ETS2: variants seen among roughly 807,000 people sequenced by gnomAD.
ETS2 encodes the protein ETS proto-oncogene 2, transcription factor.
ETS2 carries 19 observed loss-of-function variants against 54.9 expected under a neutral mutation model. The ratio of observed to expected loss-of-function variants is 0.35; its 90% confidence interval spans 0.24 to 0.51. The LOEUF is 0.51. Among genes scored for constraint, ETS2 ranks in the 20% least tolerant of loss-of-function variants. The pLI, the probability that ETS2 is intolerant of heterozygous loss-of-function variation, is 0.97. For missense variants in ETS2, 417 were observed against 593.0 expected (o/e 0.70, Z 3.08); for synonymous variants, 219 against 229.3 (o/e 0.95, Z 0.41).
chr21:38,819,595 T>C lies in ETS2; in HGVS notation c.904T>C (p.Leu302=), dbSNP rs749021026. The part of the protein sequence containing the change: ...LLQSWNSQSS[L]LDVQRVPSFE... ...CCAGTCCTGGAACAGCCAGTCGTCCTTGCTGGATGTGCAACGGGTTCCTTC... is the reference window on the plus strand; with the variant it reads ...CCAGTCCTGGAACAGCCAGTCGTCCCTGCTGGATGTGCAACGGGTTCCTTC... The change falls in exon 8 of 10, where the codon TTG becomes CTG. Residue 302 remains leucine, a synonymous_variant. Coordinates refer to ENST00000360938, the MANE Select transcript of ETS2 (RefSeq NM_005239.6). The C allele has an allele frequency of 3.1e-6, 5 of 1,614,100 alleles. No individual in the cohort carries two copies. The Admixed American group carries it at 8.3e-5, about 27-fold the overall frequency.
upstream of ETS2, chr21:38,805,535 G>A (rs1186611287): frequency 2.3e-6 from 3 of 1,286,766 alleles, no homozygotes; most frequent in South Asian, 2.5e-5. The surrounding 1 kb of genome is among the most constrained non-coding windows in gnomAD (Gnocchi z 5.2). Flanking sequence ...TCGCGCGCAC[G>A]TGGGGCCGAG....
chr21:38,820,333 G>A (rs986281710), intron 8 of ETS2, among the ~76,000 whole-genome samples: 1 of 151,904 alleles, frequency 6.6e-6, no homozygotes, highest in Non-Finnish European at 1.5e-5. Flanking sequence ...TTTTGTTTTT[G>A]TTTTTTTAAC....
upstream of ETS2, chr21:38,805,209 G>C (rs1056602544): frequency 5.9e-6 from 4 of 673,266 alleles, no homozygotes; most frequent in Non-Finnish European, 8.3e-6. The surrounding 1 kb of genome is among the most constrained non-coding windows in gnomAD (Gnocchi z 5.2). Flanking sequence ...CTGCGGGATC[G>C]GGGCTTCCCG....
upstream of ETS2, chr21:38,805,650 T>TCCCTCGCC: frequency 8.3e-7 from 1 of 1,201,316 alleles, no homozygotes; most frequent in Non-Finnish European, 1.1e-6. This position sits in a 1 kb window ranked among gnomAD's most constrained non-coding sequence, Gnocchi z 5.2. Context: ...CGCCCCGCGC[T>TCCCTCGCC]CCCTCGCCGC....
intron 2 of ETS2, among the ~76,000 whole-genome samples, chr21:38,811,807 C>T (rs1209608565): frequency 6.6e-6 from 1 of 152,100 alleles, no homozygotes; most frequent in Non-Finnish European, 1.5e-5. Flanking sequence ...AATCTTTCCC[C>T]TTAGTAGGTG....
upstream of ETS2, chr21:38,805,390 T>C: frequency 1.6e-6 from 2 of 1,288,818 alleles, no homozygotes; most frequent in South Asian, 2.5e-5. The surrounding 1 kb of genome is among the most constrained non-coding windows in gnomAD (Gnocchi z 5.2). Flanking sequence ...CAAGCCCGGC[T>C]GCCCTTCGGT....
Position 38,821,055 on chromosome 21 carries a change from G to A in ETS2, c.1076-531G>A, listed in dbSNP as rs566365656. Among the ~76,000 whole-genome samples the A allele has an allele frequency of 5.9e-5, 9 of 152,284 alleles. No homozygotes were observed. Among genetic ancestry groups the A allele is most frequent in the South Asian group, 2.1e-4 (1 of 4,830 alleles). On this transcript the variant is annotated intron_variant, in intron 8 of 9. Coordinates refer to ENST00000360938, the MANE Select transcript of ETS2 (RefSeq NM_005239.6). The surrounding 1 kb of genome is among the most constrained non-coding windows in gnomAD (Gnocchi z 4.2). ...TGTGAGGCAACGGGTGTGACCCCGC[G>A]TGGCTATTGAGTAAACCGGGCTCAC...
chr21:38,809,303 G>T (rs1314367466), intron 1 of ETS2, among the ~76,000 whole-genome samples: 1 of 152,166 alleles, frequency 6.6e-6, no homozygotes, highest in Non-Finnish European at 1.5e-5. Flanking sequence ...CTTAGCCCAG[G>T]CCTAGTAGAA....
At chr21:38,818,350 T>C in intron 6 of ETS2, 75 bp from the exon 7 acceptor site, 1 of 1,604,080 alleles carries the variant, frequency 6.2e-7, no homozygotes, top group Middle Eastern at 2.2e-4. Context: ...TGCTCACCTG[T>C]CATTTGCTCG....
In ETS2 at chr21:38,821,008, G is replaced by A. The variant is rs964913683; in HGVS notation, c.1076-578G>A. Among the ~76,000 whole-genome samples the A allele has an allele frequency of 1.3e-5, 2 of 152,200 alleles. No homozygotes were observed. The highest frequency in any genetic ancestry group is 4.8e-5 in the African/African-American group (2 of 41,448). On this transcript the variant is annotated intron_variant, in intron 8 of 9. Coordinates refer to ENST00000360938, the MANE Select transcript of ETS2 (RefSeq NM_005239.6). The surrounding 1 kb of genome is among the most constrained non-coding windows in gnomAD (Gnocchi z 4.2). ...AGGTGGACGAGAAGCTCTTGGCAAA[G>A]CATGCTTCACCAGACAGAGGCTGTG...
rs1024139521 is a variant in ETS2 at position 38,824,641 on chromosome 21, G to C, written c.*1752G>C. 1 of 152,560 alleles carries C rather than the reference G, an allele frequency of 6.6e-6. No homozygotes were observed. Among genetic ancestry groups the C allele is most frequent in the Non-Finnish European group, 1.5e-5 (1 of 68,032 alleles). The allele number at this position is 152,560 out of a possible 1,614,324, so 9.5% of individuals were successfully genotyped here. A position where few individuals can be genotyped will look rare whatever the true frequency, so the allele number is the denominator to read the frequency against. Reference sequence around the variant, plus strand: ...CCATTCCCAGTATACATAAGCACAGGATGTTTTTCTCAAGAGGGATGTATT... The same window carrying C: ...CCATTCCCAGTATACATAAGCACAGCATGTTTTTCTCAAGAGGGATGTATT... On this transcript the variant is annotated 3_prime_UTR_variant, in exon 10 of 10. Coordinates refer to ENST00000360938, the MANE Select transcript of ETS2 (RefSeq NM_005239.6).
chr21:38,814,270 C>T lies in ETS2; in HGVS notation c.185-3C>T, dbSNP rs1203997755. Reference sequence around the variant, plus strand: ...AATGTCCCCATGGGGGGTTTCCTTCCAGACTCCGCCAACTGTGAATTGCCT... The same window carrying T: ...AATGTCCCCATGGGGGGTTTCCTTCTAGACTCCGCCAACTGTGAATTGCCT... On this transcript the variant is annotated splice_region_variant and splice_polypyrimidine_tract_variant and intron_variant, in intron 3 of 9. Transcript: ENST00000360938. This position sits in a 1 kb window ranked among gnomAD's most constrained non-coding sequence, Gnocchi z 4.2. The T allele has an allele frequency of 1.2e-6, 2 of 1,613,842 alleles. No homozygotes were observed. The highest frequency in any genetic ancestry group is 2.2e-5 in the East Asian group (1 of 44,890).
intron 5 of ETS2, among the ~76,000 whole-genome samples, 192 bp downstream of exon 5, chr21:38,815,173 T>TGA (rs2060928190): frequency 9.2e-6 from 1 of 109,022 alleles, no homozygotes. Flanking sequence ...CCACTTTATG[T>TGA]GAGTGTGTGT....
chr21:38,824,559 C>G lies in ETS2; in HGVS notation c.*1670C>G, dbSNP rs1479333364. 6.6e-6 allele frequency: 1 copy of G among 152,238 alleles called. No individual in the cohort carries two copies. Among genetic ancestry groups the G allele is most frequent in the Non-Finnish European group, 1.5e-5 (1 of 68,074 alleles). 9.4% of individuals were successfully genotyped at this position (152,238 alleles called of 1,614,324 possible). A position where few individuals can be genotyped will look rare whatever the true frequency, so the allele number is the denominator to read the frequency against. On this transcript the variant is annotated 3_prime_UTR_variant, in exon 10 of 10. Coordinates refer to ENST00000360938, the MANE Select transcript of ETS2 (RefSeq NM_005239.6). The stretch of plus-strand genomic sequence containing the variant: ...GTGATGAAACTGAGGAATCGGGTGG[C>G]CGGGCAAGCTGGGAAGAGCAAAGCC...
chr21:38,808,591 TG>T (rs2060902376), intron 1 of ETS2, among the ~76,000 whole-genome samples: 1 of 4,642 alleles, frequency 2.2e-4, no homozygotes, highest in Non-Finnish European at 6.4e-4. Context: ...TGTGTGTGTA[TG>T]TGTGTGTGTG....
At chr21:38,813,486 A>G (rs1469524103) in intron 3 of ETS2, among the ~76,000 whole-genome samples, 10 of 152,242 alleles carry the variant, frequency 6.6e-5, no homozygotes, top group Admixed American at 6.5e-4. Context: ...TTGGGTTTGC[A>G]TCATTAGTTA....
chr21:38,806,805 A>C lies in ETS2; in HGVS notation c.-1+685A>C. On this transcript the variant is annotated intron_variant, in intron 1 of 9. Coordinates refer to ENST00000360938, the MANE Select transcript of ETS2 (RefSeq NM_005239.6). The surrounding 1 kb of genome is among the most constrained non-coding windows in gnomAD (Gnocchi z 4.3). ...TCTCGTTCCTACAGCATTTGAATGA[A>C]GAGGTAACTGAGTGTTTGCTTGTGT... is the stretch of plus-strand genomic sequence containing the variant. 16 of 985,458 alleles carry C rather than the reference A, an allele frequency of 1.6e-5. No homozygotes were observed. Among genetic ancestry groups the C allele is most frequent in the Non-Finnish European group, 1.9e-5 (16 of 829,948 alleles). 61.0% of individuals were successfully genotyped at this position (985,458 alleles called of 1,614,324 possible). A position where few individuals can be genotyped will look rare whatever the true frequency, so the allele number is the denominator to read the frequency against.
At chr21:38,811,474 G>A (rs1430964826) in intron 2 of ETS2, among the ~76,000 whole-genome samples, 2 of 151,986 alleles carry the variant, frequency 1.3e-5, no homozygotes, top group Admixed American at 1.3e-4. Context: ...AAAAGAAAGC[G>A]GGTAACCGAT....
chr21:38,813,628 C>A (rs2060921883), intron 3 of ETS2, among the ~76,000 whole-genome samples: 1 of 152,188 alleles, frequency 6.6e-6, no homozygotes, highest in Admixed American at 6.5e-5. Flanking sequence ...AGATAATGTT[C>A]ATACAATTAC....
Sources: allele counts gnomAD v4.1 joint callset (sites outside exome capture counted in the v4.1 genomes callset), GRCh38; gene constraint gnomAD v4.1.1; non-coding constraint Gnocchi (gnomAD v3.1); transcripts MANE v1.5; gene names NCBI Gene and HGNC (gene_info 2026-07-23, HGNC 2026-07-21).